The following CCDC192 variants were observed in gnomAD, a reference collection of about 807,000 sequenced individuals.
CCDC192 encodes coiled-coil domain containing 192.
intron 2 of CCDC192, among the ~76,000 whole-genome samples, chr5:127,741,736 A>C (rs934794463): frequency 1.3e-5 from 2 of 152,196 alleles, no homozygotes; most frequent in African/African-American, 4.8e-5. Context: ...AAACCATGCA[A>C]GATATCCATC....
chr5:127,831,355 T>C (rs1749786449), intron 5 of CCDC192, among the ~76,000 whole-genome samples: 1 of 152,014 alleles, frequency 6.6e-6, no homozygotes, highest in South Asian at 2.1e-4. Flanking sequence ...CAAAAGTGTG[T>C]GTGTGTGCGT....
In CCDC192 at chr5:127,797,932, G is replaced by A. The variant is rs111784008; in HGVS notation, c.355-174G>A. Among the ~76,000 whole-genome samples, 626 of 151,620 alleles carry A rather than the reference G, an allele frequency of 4.1e-3. 4 individuals are homozygous for A. The highest frequency in any genetic ancestry group is 0.014 in the African/African-American group (592 of 41,372). On this transcript the variant is annotated intron_variant, in intron 4 of 6. Coordinates refer to ENST00000514853, the MANE Select transcript of CCDC192 (RefSeq NM_001317938.2). ...TTTTCTTTGGGTTCTTTCATAGAAT[G>A]GAAGAGAAATAGGAATGGGGGGATG...
intron 6 of CCDC192, among the ~76,000 whole-genome samples, chr5:127,940,168 G>T (rs7713606): frequency 0.59 from 89,583 of 151,952 alleles, 27,161 homozygotes; most frequent in East Asian, 0.92. Context: ...TGTCCTTTCT[G>T]ACTCAGGCCT....
chr5:127,810,768 T>C (rs1379852897), intron 5 of CCDC192, among the ~76,000 whole-genome samples: 9 of 152,182 alleles, frequency 5.9e-5, no homozygotes, highest in Non-Finnish European at 1.2e-4. Context: ...CAGTTTCTTA[T>C]AAAATCAAAT....
chr5:127,768,161 A>G (rs1755339626), intron 3 of CCDC192, among the ~76,000 whole-genome samples: 1 of 152,092 alleles, frequency 6.6e-6, no homozygotes, highest in South Asian at 2.1e-4. Context: ...CTGAGGCAGG[A>G]GAATCGCTTG....
intron 2 of CCDC192, among the ~76,000 whole-genome samples, chr5:127,744,254 G>C (rs1753613051): frequency 6.6e-6 from 1 of 151,926 alleles, no homozygotes; most frequent in African/African-American, 2.4e-5. Flanking sequence ...GCTGAGGCAT[G>C]GGTGGTAGGT....
chr5:127,854,429 C>T (rs1271622234), intron 5 of CCDC192, among the ~76,000 whole-genome samples: 1 of 152,056 alleles, frequency 6.6e-6, no homozygotes, highest in African/African-American at 2.4e-5. Context: ...ATTTTTATTA[C>T]AATATATTGT....
intron 6 of CCDC192, among the ~76,000 whole-genome samples, chr5:127,875,882 G>C (rs1022009815): frequency 6.6e-6 from 1 of 151,976 alleles, no homozygotes; most frequent in Non-Finnish European, 1.5e-5. Context: ...GGGAAAGTCT[G>C]TGAGGCTGAA....
At chr5:127,723,081 CCATGAA>C (rs1314786999) in intron 2 of CCDC192, among the ~76,000 whole-genome samples, 6 of 152,118 alleles carry the variant, frequency 3.9e-5, no homozygotes, top group African/African-American at 1.2e-4. Context: ...TTCTTCCAGA[CCATGAA>C]CATGGAATGT....
At chr5:127,895,853 G>A (rs1446749757) in intron 6 of CCDC192, among the ~76,000 whole-genome samples, 1 of 150,962 alleles carries the variant, frequency 6.6e-6, no homozygotes, top group African/African-American at 2.4e-5. Flanking sequence ...AAAAAAAAAA[G>A]TAGTGCCACC....
intron 2 of CCDC192, among the ~76,000 whole-genome samples, chr5:127,728,453 A>G (rs1580541923): frequency 6.6e-6 from 1 of 152,268 alleles, no homozygotes; most frequent in African/African-American, 2.4e-5. Context: ...ACTAAGCTTC[A>G]TAAGCAAAGA....
At position 127,923,869 on chromosome 5, in the gene CCDC192, A is replaced by G. The variant is rs80205713; in HGVS notation, c.536-17313A>G. On this transcript the variant is annotated intron_variant, in intron 6 of 6. Transcript: ENST00000514853. ...TCTTCCAACTTTCAGACAATGCCTT[A>G]TGAAGAATGCAACCACCTTGCAGAT... is the stretch of plus-strand genomic sequence containing the variant. 6.7e-3 allele frequency among the ~76,000 whole-genome samples: 1,016 copies of G among 152,338 alleles called. 7 individuals carry two copies. Among genetic ancestry groups the G allele is most frequent in the African/African-American group, 0.023 (966 of 41,574 alleles).
chr5:127,723,740 G>A (rs1752156439), intron 2 of CCDC192, among the ~76,000 whole-genome samples: 1 of 152,212 alleles, frequency 6.6e-6, no homozygotes, highest in Non-Finnish European at 1.5e-5. Flanking sequence ...ATAGCACAAG[G>A]ATGCAGCCTC....
intron 5 of CCDC192, among the ~76,000 whole-genome samples, chr5:127,861,042 C>G (rs1232510040): frequency 6.6e-6 from 1 of 151,938 alleles, no homozygotes; most frequent in African/African-American, 2.4e-5. Context: ...GAGTTTTGCT[C>G]TTGCTGCCCA....
At chr5:127,756,815 C>T (rs1433592413) in intron 3 of CCDC192, among the ~76,000 whole-genome samples, 1 of 152,158 alleles carries the variant, frequency 6.6e-6, no homozygotes, top group East Asian at 1.9e-4. Context: ...TCGGCCTATG[C>T]CCAGGAATGA....
chr5:127,770,528 A>G (rs1296484202), intron 3 of CCDC192, among the ~76,000 whole-genome samples: 1 of 152,220 alleles, frequency 6.6e-6, no homozygotes, highest in East Asian at 1.9e-4. Flanking sequence ...GAATGTGCAA[A>G]TAGAATTTGT....
intron 5 of CCDC192, 144 bp from the exon 6 acceptor site, chr5:127,875,394 A>G (rs1752034276): frequency 2.6e-6 from 1 of 383,598 alleles, no homozygotes; most frequent in Non-Finnish European, 4.6e-6. Flanking sequence ...ACAAACCTCA[A>G]ACAGGACTCA....
At chr5:127,727,149 C>A (rs746742033) in intron 2 of CCDC192, among the ~76,000 whole-genome samples, 5 of 152,156 alleles carry the variant, frequency 3.3e-5, no homozygotes, top group Admixed American at 6.5e-5. Context: ...CAAACCATAG[C>A]AACCCTACGG....
At chr5:127,859,947 T>C (rs1359303874) in intron 5 of CCDC192, among the ~76,000 whole-genome samples, 2 of 152,336 alleles carry the variant, frequency 1.3e-5, no homozygotes, top group East Asian at 1.9e-4. Context: ...GTTCCTTACC[T>C]AGACAATGCT....
Sources: allele counts gnomAD v4.1 joint callset (sites outside exome capture counted in the v4.1 genomes callset), GRCh38; gene constraint gnomAD v4.1.1; transcripts MANE v1.5; gene names NCBI Gene and HGNC (gene_info 2026-07-23, HGNC 2026-07-21).